SOCS7: variants seen among roughly 807,000 people sequenced by gnomAD.
SOCS7 encodes the protein suppressor of cytokine signaling 7.
Under a neutral mutation model 58.9 loss-of-function variants are expected in SOCS7, and 18 were observed. The observed-to-expected ratio is 0.31, with a 90% CI of 0.21 to 0.45. The LOEUF is 0.45. Among genes scored for constraint, SOCS7 ranks in the 20% least tolerant of loss-of-function variants. The probability of loss-of-function intolerance (pLI) is 1.00; values close to 1 mark genes in which losing one functional copy is unlikely to be tolerated. For synonymous variants in SOCS7, 388 were observed against 364.3 expected (o/e 1.06, Z -0.74); for missense variants, 667 against 837.3 (o/e 0.80, Z 2.51).
At chr17:38,374,320 T>A (rs893748566) in intron 6 of SOCS7, among the ~76,000 whole-genome samples, 7 of 152,198 alleles carry the variant, frequency 4.6e-5, no homozygotes, top group African/African-American at 1.7e-4. Flanking sequence ...GGCAGATCAC[T>A]TGAACCTGGA....
intron 6 of SOCS7, 59 bp downstream of exon 6, chr17:38,368,109 C>G (rs1471166936): frequency 1.4e-6 from 2 of 1,468,860 alleles, no homozygotes; most frequent in Non-Finnish European, 9.2e-7. Context: ...CCTTTGCTGT[C>G]TGACTTTTTT....
At chr17:38,366,517 CAG>C (rs1249099294) in intron 5 of SOCS7, 100 bp downstream of exon 5, 5 of 1,428,480 alleles carry the variant, frequency 3.5e-6, no homozygotes, top group Non-Finnish European at 4.8e-6. Context: ...TTTTTAGAGA[CAG>C]GGTCTGGCTC....
chr17:38,389,963 C>T (rs571378166), intron 7 of SOCS7, among the ~76,000 whole-genome samples: 56 of 102,044 alleles, frequency 5.5e-4, no homozygotes, highest in South Asian at 3.2e-3. Context: ...TCTCTGTCAC[C>T]GAGGCTGGAG....
At chr17:38,393,508 G>A (rs2038203755) in intron 7 of SOCS7, among the ~76,000 whole-genome samples, 1 of 151,992 alleles carries the variant, frequency 6.6e-6, no homozygotes, top group African/African-American at 2.4e-5. Flanking sequence ...GTGGTGGCGG[G>A]CGCCTGTAAT....
intron 7 of SOCS7, among the ~76,000 whole-genome samples, chr17:38,394,260 G>A (rs766316177): frequency 6.6e-6 from 1 of 152,198 alleles, no homozygotes; most frequent in Non-Finnish European, 1.5e-5. Context: ...CAGCAGGCGG[G>A]TTTGCACTGA....
intron 1 of SOCS7, among the ~76,000 whole-genome samples, chr17:38,359,839 C>T (rs2037692566): frequency 6.7e-6 from 1 of 148,808 alleles, no homozygotes; most frequent in African/African-American, 2.5e-5. Context: ...TGCAGTGGCT[C>T]AATCATGGCT....
Position 38,366,191 on chromosome 17 carries a change from C to G in SOCS7, c.1253-96C>G, listed in dbSNP as rs957160616. The stretch of plus-strand genomic sequence containing the variant: ...TCCAGCTTAGCTTCTAATGCCTTGC[C>G]CTCTTCAGTTAGCATCCTCTGTTTT... On this transcript the variant is annotated intron_variant, in intron 4 of 9. Coordinates refer to ENST00000612932, the MANE Select transcript of SOCS7 (RefSeq NM_014598.4). 2.6e-6 allele frequency: 4 copies of G among 1,515,022 alleles called. No homozygotes were observed. The Admixed American group carries it at 7.8e-5, about 29-fold the overall frequency. 93.8% of individuals were successfully genotyped at this position (1,515,022 alleles called of 1,614,324 possible). A position where few individuals can be genotyped will look rare whatever the true frequency, so the allele number is the denominator to read the frequency against.
intron 7 of SOCS7, among the ~76,000 whole-genome samples, chr17:38,387,095 AAAAAAAAATAT>A (rs1161862435): frequency 9.9e-6 from 1 of 100,528 alleles, no homozygotes; most frequent in African/African-American, 5.4e-5. Context: ...AAAAAAAAAA[AAAAAAAAATAT>A]ATATATATAT....
Position 38,380,727 on chromosome 17 carries a change from C to T in SOCS7, c.1681+2885C>T, listed in dbSNP as rs189944221. 8.6e-4 allele frequency among the ~76,000 whole-genome samples: 130 copies of T among 151,520 alleles called. 1 individual carries two copies. Among genetic ancestry groups the T allele is most frequent in the South Asian group, 3.1e-3 (15 of 4,782 alleles). On this transcript the variant is annotated intron_variant, in intron 7 of 9. Transcript: ENST00000612932. ...TACAAAAATTAGCCAGGCATGGTGG[C>T]GGGCACCTGTAGTCCCAGCTACCTG...
At chr17:38,391,251 T>C (rs1222631713) in intron 7 of SOCS7, among the ~76,000 whole-genome samples, 1 of 152,192 alleles carries the variant, frequency 6.6e-6, no homozygotes, top group African/African-American at 2.4e-5. Context: ...GGTCAAATAG[T>C]GCGCAAGGGA....
At chr17:38,398,710 C>T (rs1002190962) in intron 9 of SOCS7, among the ~76,000 whole-genome samples, 5 of 152,112 alleles carry the variant, frequency 3.3e-5, no homozygotes, top group Non-Finnish European at 5.9e-5. Context: ...ATGGCTAGAA[C>T]AGTGCCTGTC....
At chr17:38,373,100 C>A (rs1328889593) in intron 6 of SOCS7, among the ~76,000 whole-genome samples, 3 of 148,340 alleles carry the variant, frequency 2.0e-5, no homozygotes, top group African/African-American at 7.6e-5. Context: ...GAGCAGAACT[C>A]TGTCTCAAAA....
intron 1 of SOCS7, among the ~76,000 whole-genome samples, chr17:38,356,120 A>G (rs1195679805): frequency 6.6e-6 from 1 of 151,838 alleles, no homozygotes; most frequent in African/African-American, 2.4e-5. Context: ...CGAACTCCTG[A>G]CCTCAGGTGA....
intron 7 of SOCS7, among the ~76,000 whole-genome samples, chr17:38,384,746 C>T (rs2038045994): frequency 6.6e-6 from 1 of 151,980 alleles, no homozygotes; most frequent in Middle Eastern, 3.2e-3. Context: ...GCACACACCA[C>T]CACACCTGGC....
At chr17:38,356,626 A>G (rs1016227561) in intron 1 of SOCS7, among the ~76,000 whole-genome samples, 1 of 152,078 alleles carries the variant, frequency 6.6e-6, no homozygotes, top group African/African-American at 2.4e-5. Flanking sequence ...CAGTCTCCCA[A>G]AGTGCTGGGA....
intron 7 of SOCS7, among the ~76,000 whole-genome samples, chr17:38,379,170 CA>C (rs908559373): frequency 1.2e-4 from 13 of 110,618 alleles, no homozygotes; most frequent in Admixed American, 5.6e-4. Context: ...AAAAAAAAAA[CA>C]AAAAAAAACA....
At chr17:38,374,843 C>G (rs558202617) in intron 6 of SOCS7, among the ~76,000 whole-genome samples, 12 of 152,288 alleles carry the variant, frequency 7.9e-5, no homozygotes, top group African/African-American at 2.9e-4. Flanking sequence ...GCAGAAGGGT[C>G]GAGGTTATTT....
chr17:38,352,418 G>A lies in SOCS7; in HGVS notation c.366G>A (p.Ala122=). Residue 122 remains alanine, a synonymous_variant, in exon 1 of 10, where the codon GCG becomes GCA. Transcript: ENST00000612932. The surrounding 1 kb of genome is among the most constrained non-coding windows in gnomAD (Gnocchi z 5.5). ...GGGGCCCGGCGGCTGGACTAGAGGCGCAGTTGGCGGCTCTGGGGCTCGGGC... is the reference window on the plus strand; with the variant it reads ...GGGGCCCGGCGGCTGGACTAGAGGCACAGTTGGCGGCTCTGGGGCTCGGGC... ...RTWGPAAGLE[A]QLAALGLGQP... 1 of 1,447,918 alleles carries A rather than the reference G, an allele frequency of 6.9e-7. No individual in the cohort carries two copies. Among genetic ancestry groups the A allele is most frequent in the South Asian group, 1.5e-5 (1 of 68,312 alleles). 89.7% of individuals were successfully genotyped at this position (1,447,918 alleles called of 1,614,324 possible).
chr17:38,378,447 G>A (rs9674962), intron 7 of SOCS7, among the ~76,000 whole-genome samples: 1,806 of 152,130 alleles, frequency 0.012, 38 homozygotes, highest in African/African-American at 0.04. Flanking sequence ...CCAGGAGGTC[G>A]AGGCTTCAGT....
Sources: allele counts gnomAD v4.1 joint callset (sites outside exome capture counted in the v4.1 genomes callset), GRCh38; gene constraint gnomAD v4.1.1; non-coding constraint Gnocchi (gnomAD v3.1); transcripts MANE v1.5; gene names NCBI Gene and HGNC (gene_info 2026-07-23, HGNC 2026-07-21).